The following AGMO variants were observed in gnomAD, a reference collection of about 807,000 sequenced individuals.
AGMO encodes glyceryl-ether monooxygenase.
A neutral mutation model predicts 60.2 loss-of-function variants in AGMO; 75 were observed. The ratio of observed to expected loss-of-function variants is 1.25; its 90% CI spans 1.03 to 1.51. The LOEUF (loss-of-function observed/expected upper bound fraction) is 1.51, where lower values mean the gene tolerates loss of function less well. Among genes scored for constraint, AGMO ranks in the 40% most tolerant of loss-of-function variants. The pLI, the probability that AGMO is intolerant of heterozygous loss-of-function variation, is 0.00. For synonymous variants in AGMO, 261 were observed against 177.1 expected, an observed-to-expected ratio of 1.47 and a Z score of -3.76; for missense variants, 763 against 525.5, an observed-to-expected ratio of 1.45 and a Z score of -4.42.
intron 3 of AGMO, among the ~76,000 whole-genome samples, chr7:15,470,891 G>A (rs28654429): frequency 0.019 from 2,898 of 151,976 alleles, 77 homozygotes; most frequent in African/African-American, 0.062. Context: ...ATATAAGTAT[G>A]TATATATTCT....
intron 12 of AGMO, among the ~76,000 whole-genome samples, chr7:15,246,059 G>C (rs554616931): frequency 6.6e-6 from 1 of 151,920 alleles, no homozygotes; most frequent in East Asian, 1.9e-4. Flanking sequence ...TTAAAAAAAA[G>C]CTGATTAAAT....
At chr7:15,241,248 CAGG>C (rs1782577985) in intron 12 of AGMO, among the ~76,000 whole-genome samples, 1 of 151,594 alleles carries the variant, frequency 6.6e-6, no homozygotes, top group Non-Finnish European at 1.5e-5. Context: ...ATCACGAGGT[CAGG>C]AGATCGAGAC....
intron 12 of AGMO, among the ~76,000 whole-genome samples, chr7:15,363,800 G>A (rs34016260): frequency 0.2 from 29,617 of 151,758 alleles, 3,075 homozygotes; most frequent in African/African-American, 0.27. Context: ...ATTTCCTTCT[G>A]GTGTGTGTAA....
chr7:15,414,295 G>C (rs568273008), intron 5 of AGMO, among the ~76,000 whole-genome samples: 1 of 152,030 alleles, frequency 6.6e-6, no homozygotes, highest in Non-Finnish European at 1.5e-5. Context: ...CAGTGCACCC[G>C]GCCGTATTTT....
In AGMO at chr7:15,387,520, T is replaced by TA. The variant is rs759729273; in HGVS notation, c.842dup (p.Trp282MetfsTer13). ...CAGGTGTGGCCCAGAATGTAGTCCA[T>TA]ATGGAAAATAAGTGATGGAACTAGA... On this transcript the variant is annotated frameshift_variant, in exon 9 of 13. Coordinates refer to ENST00000342526, the MANE Select transcript of AGMO (RefSeq NM_001004320.2). LOFTEE classifies it high-confidence loss of function. 506 of 1,611,784 alleles carry TA rather than the reference T, an allele frequency of 3.1e-4. No homozygotes were observed. The highest frequency in any genetic ancestry group is 4.0e-4 in the Non-Finnish European group (474 of 1,179,368).
intron 10 of AGMO, among the ~76,000 whole-genome samples, chr7:15,381,266 T>C (rs1044561128): frequency 1.3e-5 from 2 of 152,124 alleles, no homozygotes; most frequent in African/African-American, 4.8e-5. Context: ...GAGAAAAGTT[T>C]TGCAAACTAT....
intron 12 of AGMO, among the ~76,000 whole-genome samples, chr7:15,356,536 T>C (rs895871049): frequency 6.6e-6 from 1 of 151,734 alleles, no homozygotes; most frequent in African/African-American, 2.4e-5. Flanking sequence ...TTGAAGAAAA[T>C]CTGAAAAATT....
At chr7:15,379,177 T>A (rs1252983707) in intron 10 of AGMO, among the ~76,000 whole-genome samples, 1 of 151,912 alleles carries the variant, frequency 6.6e-6, no homozygotes, top group Non-Finnish European at 1.5e-5. Context: ...CAGAAACATC[T>A]CAAGTTCACA....
chr7:15,528,927 C>T (rs973857240), intron 3 of AGMO, among the ~76,000 whole-genome samples: 3 of 152,136 alleles, frequency 2.0e-5, no homozygotes, highest in Non-Finnish European at 4.4e-5. Flanking sequence ...GGATTAGAGG[C>T]ATGAGACACC....
chr7:15,483,598 C>T (rs1337472096), intron 3 of AGMO, among the ~76,000 whole-genome samples: 2 of 147,848 alleles, frequency 1.4e-5, no homozygotes, highest in East Asian at 4.0e-4. Flanking sequence ...AACAAACAAA[C>T]AAAAAACCAT....
rs939424817 is a variant in AGMO, at chr7:15,354,830, ATT to A, written c.1263+10682_1263+10683del. Among the ~76,000 whole-genome samples the A allele has an allele frequency of 6.0e-5, 9 of 151,128 alleles. No homozygotes were observed. In the South Asian group the frequency reaches 1.5e-3, roughly 24 times the overall value. On this transcript the variant is annotated intron_variant, in intron 12 of 12. Transcript: ENST00000342526. ...GAATTTTTTCTCGTAATTCACGAGA[ATT>A]TGTTTTCTAAAAATAAAAATATATT...
At chr7:15,340,756 CT>C (rs1233582840) in intron 12 of AGMO, among the ~76,000 whole-genome samples, 1 of 152,174 alleles carries the variant, frequency 6.6e-6, no homozygotes, top group East Asian at 1.9e-4. Flanking sequence ...CAGAGGTGTG[CT>C]GCAGGGGTGG....
In AGMO at chr7:15,365,556, A is replaced by C. The variant is rs76463825; in HGVS notation, c.1221T>G (p.Gly407=). 3.9e-4 allele frequency: 633 copies of C among 1,612,944 alleles called. 3 individuals carry two copies. The African/African-American group carries it at 7.4e-3, about 19-fold the overall frequency. The change falls in exon 12 of 13, where the codon GGT becomes GGG. Residue 407 remains glycine (G), a synonymous_variant. Coordinates refer to ENST00000342526, the MANE Select transcript of AGMO (RefSeq NM_001004320.2). ...ATGAAGGGACAAGAGGCTTCAGGTG[A>C]CCAAATCGGTACAGCATTAAGAACA... ...CLMFLMLYRF[G]HLKPLVPSLS... is the part of the protein sequence containing the mutation.
intron 12 of AGMO, among the ~76,000 whole-genome samples, chr7:15,317,371 AGAT>A (rs1780957271): frequency 1.3e-5 from 2 of 152,312 alleles, no homozygotes; most frequent in East Asian, 3.9e-4. Context: ...AGATGAAACC[AGAT>A]GCCTATATTT....
At chr7:15,209,953 C>T (rs944289237) in intron 12 of AGMO, among the ~76,000 whole-genome samples, 1 of 152,104 alleles carries the variant, frequency 6.6e-6, no homozygotes, top group Admixed American at 6.6e-5. Context: ...AATATATTTT[C>T]TCCTTTCAAG....
the AGMO span, among the ~76,000 whole-genome samples, chr7:15,192,137 C>A: frequency 6.6e-6 from 1 of 151,950 alleles, no homozygotes; most frequent in Non-Finnish European, 1.5e-5. Context: ...GGAGAAGAGG[C>A]AGAAGTGTGG....
intron 1 of AGMO, 97 bp from the exon 2 acceptor site, chr7:15,560,368 T>TC (rs1785271219): frequency 7.3e-7 from 1 of 1,361,444 alleles, no homozygotes; most frequent in Admixed American, 2.2e-5. Context: ...AGGCCCAGAT[T>TC]TGGGAAGCCC....
intron 12 of AGMO, among the ~76,000 whole-genome samples, chr7:15,272,244 A>G (rs1458555865): frequency 6.7e-6 from 1 of 150,176 alleles, no homozygotes; most frequent in East Asian, 2.0e-4. Context: ...CTCGCCATTT[A>G]CATTAGGTAT....
intron 12 of AGMO, among the ~76,000 whole-genome samples, chr7:15,201,682 C>G (rs573292619): frequency 1.3e-5 from 2 of 152,188 alleles, no homozygotes; most frequent in African/African-American, 4.8e-5. Context: ...ATACAGCATG[C>G]TGTATGCATT....
Sources: allele counts gnomAD v4.1 joint callset (sites outside exome capture counted in the v4.1 genomes callset), GRCh38; gene constraint gnomAD v4.1.1; transcripts MANE v1.5; gene names NCBI Gene and HGNC (gene_info 2026-07-23, HGNC 2026-07-21).